Variants in CSMD1 observed in about 807,000 individuals in gnomAD.
The protein encoded by CSMD1 is CUB and sushi domain-containing protein 1.
In CSMD1, 213 loss-of-function variants were observed where a neutral mutation model predicts 417.5. That is an observed-to-expected ratio of 0.51 (90% CI 0.46 to 0.57). The LOEUF (loss-of-function observed/expected upper bound fraction) is 0.57, where lower values mean the gene tolerates loss of function less well. CSMD1 is among the 20% of genes least tolerant of loss of function. The pLI is 0.00. For missense variants in CSMD1, 6,923 were observed against 4,529.7 expected, an observed-to-expected ratio of 1.53 and a Z score of -15.17; for synonymous variants, 2,862 against 1,736.8, an observed-to-expected ratio of 1.65 and a Z score of -16.11.
At chr8:3,426,244 T>A (rs1813831871) in intron 12 of CSMD1, among the ~76,000 whole-genome samples, 1 of 152,204 alleles carries the variant, frequency 6.6e-6, no homozygotes, top group Non-Finnish European at 1.5e-5. Flanking sequence ...ACACTACTCC[T>A]AAACGTTCCA....
At chr8:4,036,959 GTGTGTGTGTGT>G (rs1797650976) in intron 3 of CSMD1, among the ~76,000 whole-genome samples, 1 of 9,804 alleles carries the variant, frequency 1.0e-4, no homozygotes, top group African/African-American at 2.6e-4. Flanking sequence ...AGTGTGGGGT[GTGTGTGTGTGT>G]GTGTGTGTGT....
At chr8:3,223,532 TC>T (rs1798329405) in intron 28 of CSMD1, among the ~76,000 whole-genome samples, 196 bp downstream of exon 28, 1 of 152,192 alleles carries the variant, frequency 6.6e-6, no homozygotes, top group African/African-American at 2.4e-5. Flanking sequence ...TTCAAGTGCA[TC>T]TTAAGTAGAA....
intron 4 of CSMD1, among the ~76,000 whole-genome samples, chr8:4,026,236 T>G (rs1563333496): frequency 6.6e-6 from 1 of 152,222 alleles, no homozygotes. Context: ...TGCTGCATCA[T>G]TCAAATATGT....
At chr8:4,886,453 C>G (rs1330948217) in intron 1 of CSMD1, among the ~76,000 whole-genome samples, 1 of 151,860 alleles carries the variant, frequency 6.6e-6, no homozygotes, top group Non-Finnish European at 1.5e-5. Context: ...AGATATTGGT[C>G]TGTGGATTTC....
chr8:4,185,312 C>T (rs947379058), intron 3 of CSMD1, among the ~76,000 whole-genome samples: 1 of 151,958 alleles, frequency 6.6e-6, no homozygotes, highest in Non-Finnish European at 1.5e-5. Flanking sequence ...TTTAGGGACC[C>T]TGTCTTAAAA....
intron 60 of CSMD1, among the ~76,000 whole-genome samples, 193 bp from the exon 61 acceptor site, chr8:2,962,832 T>G (rs1298087704): frequency 1.3e-5 from 2 of 152,196 alleles, no homozygotes; most frequent in Admixed American, 6.5e-5. Flanking sequence ...GCGGATCGCT[T>G]GAGCTCAGGA....
chr8:3,688,085 G>T (rs1800040205), intron 7 of CSMD1, among the ~76,000 whole-genome samples: 1 of 152,188 alleles, frequency 6.6e-6, no homozygotes, highest in Admixed American at 6.5e-5. Context: ...AGTTCAGCAG[G>T]CTGGAAACAA....
At chr8:3,275,548 T>C (rs1382663842) in intron 26 of CSMD1, among the ~76,000 whole-genome samples, 1 of 152,236 alleles carries the variant, frequency 6.6e-6, no homozygotes, top group Non-Finnish European at 1.5e-5. Context: ...CCATTGTCCC[T>C]GTCTCTTTCA....
chr8:3,637,512 A>C (rs10099572), intron 7 of CSMD1, among the ~76,000 whole-genome samples: 1 of 151,660 alleles, frequency 6.6e-6, no homozygotes, highest in Non-Finnish European at 1.5e-5. Context: ...TAAAATATAC[A>C]AAACTACCTG....
At chr8:3,957,814 G>C (rs17068210) in intron 5 of CSMD1, among the ~76,000 whole-genome samples, 5,036 of 152,302 alleles carry the variant, frequency 0.033, 275 homozygotes, top group African/African-American at 0.11. Flanking sequence ...ATAAAGCTCA[G>C]AGGAAATGAA....
At chr8:4,723,094 A>G (rs974117918) in intron 1 of CSMD1, among the ~76,000 whole-genome samples, 1 of 152,134 alleles carries the variant, frequency 6.6e-6, no homozygotes, top group Non-Finnish European at 1.5e-5. Flanking sequence ...TTCTGTCTGG[A>G]TACTTATATA....
At chr8:4,475,030 C>G (rs868063275) in intron 2 of CSMD1, among the ~76,000 whole-genome samples, 1 of 152,054 alleles carries the variant, frequency 6.6e-6, no homozygotes. Context: ...TTTTTCAATG[C>G]ATAAGGGGTC....
chr8:4,132,215 T>TC (rs1491548949), intron 3 of CSMD1, among the ~76,000 whole-genome samples: 5 of 58,586 alleles, frequency 8.5e-5, no homozygotes, highest in African/African-American at 3.7e-4. Context: ...TTTTTTTTTT[T>TC]CACGGGGTAG....
chr8:4,041,326 C>T (rs908825198), intron 3 of CSMD1, among the ~76,000 whole-genome samples: 2 of 152,058 alleles, frequency 1.3e-5, no homozygotes, highest in African/African-American at 4.8e-5. Context: ...CGGGCCTTTG[C>T]CATTTTAAAC....
chr8:3,551,578 G>GTGTATATATA lies in CSMD1; in HGVS notation c.1344+23366_1344+23367insTATATATACA, dbSNP rs1798912450. Among the ~76,000 whole-genome samples the GTGTATATATA allele has an allele frequency of 7.6e-5, 9 of 117,678 alleles. No individual in the cohort carries two copies. In the South Asian group the frequency reaches 8.6e-4, roughly 11 times the overall value. The allele number at this position is 117,678 out of a possible 152,430, so 77.2% of individuals were successfully genotyped here. On this transcript the variant is annotated intron_variant, in intron 10 of 69. Coordinates refer to ENST00000635120, the MANE Select transcript of CSMD1 (RefSeq NM_033225.6). ...TTCAGAATTGTCTTCTAATAAATATGTATATATATATATATATATTTTTTT... is the reference window on the plus strand; with the variant it reads ...TTCAGAATTGTCTTCTAATAAATATGTGTATATATATATATATATATATATATATTTTTTT...
chr8:3,697,324 A>G (rs1321433286), intron 7 of CSMD1, among the ~76,000 whole-genome samples: 1 of 152,164 alleles, frequency 6.6e-6, no homozygotes, highest in East Asian at 1.9e-4. Flanking sequence ...ACACCTTTAA[A>G]ATGTGTTTTA....
At chr8:4,668,446 ATTAT>A (rs1274896834) in intron 1 of CSMD1, among the ~76,000 whole-genome samples, 9 of 145,608 alleles carry the variant, frequency 6.2e-5, no homozygotes, top group Non-Finnish European at 9.0e-5. Context: ...TATTATTATT[ATTAT>A]TATTATTATT....
chr8:4,228,114 C>A (rs900641906), intron 3 of CSMD1, among the ~76,000 whole-genome samples: 3 of 152,108 alleles, frequency 2.0e-5, no homozygotes, highest in African/African-American at 7.2e-5. Context: ...CATTCAACCC[C>A]GTAACAGGAG....
chr8:3,879,828 TGC>T (rs1806086650), intron 5 of CSMD1, among the ~76,000 whole-genome samples: 1 of 139,422 alleles, frequency 7.2e-6, no homozygotes, highest in Admixed American at 6.9e-5. Flanking sequence ...TGTACCGGTG[TGC>T]GTGTGCGTGT....
Sources: gnomAD v4.1 joint callset for allele counts (sites outside exome capture counted in the v4.1 genomes callset) on GRCh38, gnomAD v4.1.1 for gene constraint, MANE v1.5 for transcripts, NCBI Gene and HGNC (gene_info 2026-07-23, HGNC 2026-07-21) for gene names.